The following ADAMTS2 variants were observed in gnomAD, a reference collection of about 807,000 sequenced individuals.
ADAMTS2 encodes the protein ADAM metallopeptidase with thrombospondin type 1 motif 2, also known as A disintegrin and metalloproteinase with thrombospondin motifs 2.
In ADAMTS2, 50 loss-of-function variants were observed where a neutral mutation model predicts 123.0. The ratio of observed to expected loss-of-function variants is 0.41; its 90% CI spans 0.32 to 0.51. The LOEUF (loss-of-function observed/expected upper bound fraction) is 0.51. Among genes scored for constraint, ADAMTS2 ranks in the 20% least tolerant of loss-of-function variants. The pLI, the probability that ADAMTS2 is intolerant of heterozygous loss-of-function variation, is 0.35. For synonymous variants in ADAMTS2, 678 were observed against 695.4 expected, an observed-to-expected ratio of 0.98 and a Z score of 0.39; for missense variants, 1,494 against 1,705.2, an observed-to-expected ratio of 0.88 and a Z score of 2.18.
chr5:179,135,348 C>A (rs1763047785), intron 13 of ADAMTS2, among the ~76,000 whole-genome samples: 1 of 152,234 alleles, frequency 6.6e-6, no homozygotes, highest in South Asian at 2.1e-4. Flanking sequence ...TCGGGGGAGC[C>A]TGGCAGGGAC....
At chr5:179,318,561 C>T (rs1424776380) in intron 2 of ADAMTS2, among the ~76,000 whole-genome samples, 1 of 152,200 alleles carries the variant, frequency 6.6e-6, no homozygotes, top group Admixed American at 6.5e-5. Flanking sequence ...AGGGTGCTCC[C>T]GCACACCCCT....
chr5:179,258,111 G>A (rs1233319798), intron 3 of ADAMTS2, among the ~76,000 whole-genome samples: 5 of 152,144 alleles, frequency 3.3e-5, no homozygotes, highest in Non-Finnish European at 7.3e-5. Context: ...TCATCCTGGG[G>A]GCTCTGGCCT....
chr5:179,223,531 C>T (rs930916908), intron 3 of ADAMTS2, among the ~76,000 whole-genome samples: 13 of 103,460 alleles, frequency 1.3e-4, no homozygotes, highest in African/African-American at 3.8e-4. Flanking sequence ...CACACACATG[C>T]ACTCACACTC....
At chr5:179,299,356 T>C (rs192679213) in intron 2 of ADAMTS2, among the ~76,000 whole-genome samples, 2,436 of 4,120 alleles carry the variant, frequency 0.59, 863 homozygotes, top group East Asian at 0.96. Flanking sequence ...GGTGAAATCC[T>C]GTCTCTGCTA....
intron 4 of ADAMTS2, 38 bp downstream of exon 4, chr5:179,207,475 T>TAGCCCCC: frequency 1.7e-6 from 1 of 588,618 alleles, no homozygotes. Context: ...TGGTTGACCC[T>TAGCCCCC]CCCCGCCCCA....
intron 11 of ADAMTS2, 87 bp downstream of exon 11, chr5:179,139,800 AGGG>A: frequency 6.4e-7 from 1 of 1,570,880 alleles, no homozygotes; most frequent in South Asian, 1.1e-5. Flanking sequence ...GTGCAGCCAC[AGGG>A]CCCTCCAGGA....
At chr5:179,182,123 G>A (rs572675019) in intron 4 of ADAMTS2, among the ~76,000 whole-genome samples, 3 of 152,276 alleles carry the variant, frequency 2.0e-5, no homozygotes, top group South Asian at 4.2e-4. Flanking sequence ...GGCCTGAGCC[G>A]CCCCTCATCA....
At position 179,207,712 on chromosome 5, in the gene ADAMTS2, G is replaced by A. The variant is rs1764738223; in HGVS notation, c.692C>T (p.Ala231Val). ...GAGGCTGTCCAGGCTGTCCAGGGAG[G>A]CCCCTGCAAGGAGAGGACACCGTCT... ...LGGPQALDTG[A>V]SLDSLDSLSR... Residue 231 changes from alanine to valine, a missense_variant, in exon 4 of 22, where the codon GCC becomes GTC. Coordinates refer to ENST00000251582, the MANE Select transcript of ADAMTS2 (RefSeq NM_014244.5). 1.2e-6 allele frequency: 2 copies of A among 1,610,480 alleles called. No individual in the cohort carries two copies. Among genetic ancestry groups the A allele is most frequent in the Middle Eastern group, 1.7e-4 (1 of 6,044 alleles).
chr5:179,265,488 G>C (rs1376931350), intron 3 of ADAMTS2, among the ~76,000 whole-genome samples: 1 of 152,156 alleles, frequency 6.6e-6, no homozygotes, highest in Non-Finnish European at 1.5e-5. Flanking sequence ...GGAATAAGGG[G>C]GGCCCAGCCC....
intron 2 of ADAMTS2, among the ~76,000 whole-genome samples, chr5:179,322,446 C>G (rs565552298): frequency 6.6e-6 from 1 of 152,324 alleles, no homozygotes; most frequent in African/African-American, 2.4e-5. Flanking sequence ...CACCCAGGTC[C>G]GCACTACAGG....
intron 2 of ADAMTS2, among the ~76,000 whole-genome samples, chr5:179,318,495 G>A (rs1017412549): frequency 3.3e-5 from 5 of 152,214 alleles, no homozygotes; most frequent in Admixed American, 1.3e-4. Context: ...AAGTGGGACA[G>A]CTGCTTCTAG....
chr5:179,204,895 C>T (rs907685103), intron 4 of ADAMTS2, among the ~76,000 whole-genome samples: 1 of 152,236 alleles, frequency 6.6e-6, no homozygotes, highest in Non-Finnish European at 1.5e-5. Context: ...ACACTGTCAA[C>T]ACGTTTGCTG....
chr5:179,262,817 G>C lies in ADAMTS2; in HGVS notation c.688+10094C>G, dbSNP rs1243790535. On this transcript the variant is annotated intron_variant, in intron 3 of 21. Transcript: ENST00000251582. This position sits in a 1 kb window ranked among gnomAD's most constrained non-coding sequence, Gnocchi z 5.9. ...CTGTGAGCCCAGAGAACAGGGACTCGATCGGGTTCCTCCGCTGCTACAGCC... is the reference window on the plus strand; with the variant it reads ...CTGTGAGCCCAGAGAACAGGGACTCCATCGGGTTCCTCCGCTGCTACAGCC... Among the ~76,000 whole-genome samples, 1 of 152,244 alleles carries C rather than the reference G, an allele frequency of 6.6e-6. No homozygotes were observed. Among genetic ancestry groups the C allele is most frequent in the African/African-American group, 2.4e-5 (1 of 41,472 alleles).
rs1756862875 is a variant in ADAMTS2, at chr5:179,312,567, A to C, written c.534+31200T>G. 6.6e-6 allele frequency among the ~76,000 whole-genome samples: 1 copy of C among 152,190 alleles called. No individual in the cohort carries two copies. The highest frequency in any genetic ancestry group is 6.5e-5 in the Admixed American group (1 of 15,280). On this transcript the variant is annotated intron_variant, in intron 2 of 21. Transcript: ENST00000251582. This position sits in a 1 kb window ranked among gnomAD's most constrained non-coding sequence, Gnocchi z 4.2. ...TCCGTTTATGGTATTTGGCTATAGC[A>C]GCCTGCATGGACTAAGACAGGCCCT...
intron 2 of ADAMTS2, among the ~76,000 whole-genome samples, chr5:179,337,964 G>C (rs7713429): frequency 0.011 from 1,627 of 150,216 alleles, 30 homozygotes; most frequent in African/African-American, 0.037. Flanking sequence ...TGACTCTGCA[G>C]GAGGGCCTGC....
chr5:179,124,329 C>T (rs959883189), intron 19 of ADAMTS2, among the ~76,000 whole-genome samples: 1 of 152,026 alleles, frequency 6.6e-6, no homozygotes, highest in Non-Finnish European at 1.5e-5. Flanking sequence ...AGGCCCTGCC[C>T]CTAGGACCAC....
intron 3 of ADAMTS2, among the ~76,000 whole-genome samples, chr5:179,217,690 GT>G (rs1389314740): frequency 7.4e-6 from 1 of 134,790 alleles, no homozygotes. Context: ...CCTGTGAGCA[GT>G]TTCCCACTCT....
At chr5:179,246,901 A>T (rs2113461962) in intron 3 of ADAMTS2, among the ~76,000 whole-genome samples, 1 of 152,316 alleles carries the variant, frequency 6.6e-6, no homozygotes, top group East Asian at 1.9e-4. Context: ...AACACATAAA[A>T]AACAACAAGC....
intron 2 of ADAMTS2, among the ~76,000 whole-genome samples, chr5:179,282,759 TACAAAG>T (rs1766952775): frequency 6.6e-6 from 1 of 152,158 alleles, no homozygotes; most frequent in South Asian, 2.1e-4. Context: ...AACATTGGCC[TACAAAG>T]AAACTCTGCA....
Sources: gnomAD v4.1 joint callset for allele counts (sites outside exome capture counted in the v4.1 genomes callset) on GRCh38, gnomAD v4.1.1 for gene constraint, Gnocchi (gnomAD v3.1) non-coding constraint, MANE v1.5 for transcripts, NCBI Gene and HGNC (gene_info 2026-07-23, HGNC 2026-07-21) for gene names.